AMHR2: variants seen among roughly 807,000 people sequenced by gnomAD.
AMHR2 encodes the protein anti-Muellerian hormone type-2 receptor.
In AMHR2, 36 loss-of-function variants were observed where a neutral mutation model predicts 61.4. That is an observed-to-expected ratio of 0.59 (90% CI 0.45 to 0.77). AMHR2 has a LOEUF of 0.77. Among genes scored for constraint, AMHR2 ranks in the 30% least tolerant of loss-of-function variants. The pLI is 0.00. For synonymous variants in AMHR2, 258 were observed against 279.4 expected (o/e 0.92, Z 0.76); for missense variants, 638 against 714.6 (o/e 0.89, Z 1.22).
chr12:53,431,096 A>G lies in AMHR2; in HGVS notation c.1426-81A>G, dbSNP rs553555863. Reference sequence around the variant, plus strand: ...AGTGGATGTTGAAAGCAGGAGAGTGATGGACACTGAAGATGGCTTTTAACC... The same window carrying G: ...AGTGGATGTTGAAAGCAGGAGAGTGGTGGACACTGAAGATGGCTTTTAACC... On this transcript the variant is annotated intron_variant, in intron 10 of 10. Transcript: ENST00000257863. The G allele has an allele frequency of 4.3e-5, 65 of 1,513,696 alleles. No individual in the cohort carries two copies. The South Asian group carries it at 5.0e-4, about 12-fold the overall frequency. The allele number at this position is 1,513,696 out of a possible 1,614,324, so 93.8% of individuals were successfully genotyped here.
Position 53,424,857 on chromosome 12 carries a change from G to A in AMHR2, c.381G>A (p.Gly127=). Residue 127 remains glycine (G), a synonymous_variant, in exon 3 of 11, where the codon GGG becomes GGA. Coordinates refer to ENST00000257863, the MANE Select transcript of AMHR2 (RefSeq NM_020547.3). ...ATTACAGCCATCTGCCTCCTCCAGG[G>A]AGCCCTGGGACTCCTGGCTCCCAGG... The part of the protein sequence containing the change: ...NANYSHLPPP[G]SPGTPGSQGP... The A allele has an allele frequency of 4.3e-6, 7 of 1,613,592 alleles. No homozygotes were observed. The highest frequency in any genetic ancestry group is 5.9e-6 in the Non-Finnish European group (7 of 1,180,000).
rs1940106155 is a variant in AMHR2 at position 53,431,645 on chromosome 12, A to G, written c.*172A>G. Reference sequence around the variant, plus strand: ...GACTTGGGGTAGGTGTGCACAGGAAAGAGAATAAAGTCAGCTTTCCTGATG... The same window carrying G: ...GACTTGGGGTAGGTGTGCACAGGAAGGAGAATAAAGTCAGCTTTCCTGATG... On this transcript the variant is annotated 3_prime_UTR_variant, in exon 11 of 11. Transcript: ENST00000257863. 1.1e-5 allele frequency: 9 copies of G among 791,090 alleles called. No individual in the cohort carries two copies. Among genetic ancestry groups the G allele is most frequent in the South Asian group, 3.1e-5 (2 of 63,976 alleles). The allele number at this position is 791,090 out of a possible 1,614,324, so 49.0% of individuals were successfully genotyped here. A position where few individuals can be genotyped will look rare whatever the true frequency, so the allele number is the denominator to read the frequency against.
rs745713994 is a variant in AMHR2, at chr12:53,429,825, C to T, written c.1141-6C>T. On this transcript the variant is annotated splice_region_variant and splice_polypyrimidine_tract_variant and intron_variant, in intron 8 of 10. Transcript: ENST00000257863. The stretch of plus-strand genomic sequence containing the variant: ...GATTCTTGGCCCTTCGTGCCTTGCT[C>T]TCCAGGCTGGCACCCAGAGGTACAT... 6 of 1,614,188 alleles carry T rather than the reference C, an allele frequency of 3.7e-6. No individual in the cohort carries two copies. The highest frequency in any genetic ancestry group is 5.1e-6 in the Non-Finnish European group (6 of 1,180,034).
Position 53,424,842 on chromosome 12 carries a change from T to C in AMHR2, c.366T>C (p.His122=). 3 of 1,613,902 alleles carry C rather than the reference T, an allele frequency of 1.9e-6. No homozygotes were observed. Among genetic ancestry groups the C allele is most frequent in the Non-Finnish European group, 2.5e-6 (3 of 1,179,980 alleles). The change falls in exon 3 of 11, where the codon CAT becomes CAC. Residue 122 remains histidine, a synonymous_variant. Transcript: ENST00000257863. ...GTDFCNANYS[H]LPPPGSPGTP... ...ACTTCTGCAATGCCAATTACAGCCA[T>C]CTGCCTCCTCCAGGGAGCCCTGGGA...
chr12:53,425,416 G>A (rs2136946908), intron 4 of AMHR2, 39 bp from the exon 5 acceptor site: 1 of 1,610,074 alleles, frequency 6.2e-7, no homozygotes, highest in East Asian at 2.2e-5. Context: ...CTGTCCCTAT[G>A]CATTTGCACC....
In AMHR2 at chr12:53,429,998, T is replaced by A. The variant is rs1192512969; in HGVS notation, c.1288+20T>A. 5 of 1,614,094 alleles carry A rather than the reference T, an allele frequency of 3.1e-6. No homozygotes were observed. The highest frequency in any genetic ancestry group is 4.2e-6 in the Non-Finnish European group (5 of 1,180,008). Reference sequence around the variant, plus strand: ...GGCCTGGTAAGGATGGGTGGTACAGTCCCCTCTCCTGGGCTCCCCCCCGCC... The same window carrying A: ...GGCCTGGTAAGGATGGGTGGTACAGACCCCTCTCCTGGGCTCCCCCCCGCC... On this transcript the variant is annotated intron_variant, in intron 9 of 10. Coordinates refer to ENST00000257863, the MANE Select transcript of AMHR2 (RefSeq NM_020547.3).
At position 53,431,642 on chromosome 12, in the gene AMHR2, G is replaced by A. The variant is rs1940105976; in HGVS notation, c.*169G>A. ...AGTGACTTGGGGTAGGTGTGCACAG[G>A]AAAGAGAATAAAGTCAGCTTTCCTG... On this transcript the variant is annotated 3_prime_UTR_variant, in exon 11 of 11. Transcript: ENST00000257863. The A allele has an allele frequency of 1.2e-6, 1 of 821,288 alleles. No homozygotes were observed. The highest frequency in any genetic ancestry group is 2.0e-6 in the Non-Finnish European group (1 of 504,032). The allele number at this position is 821,288 out of a possible 1,614,324, so 50.9% of individuals were successfully genotyped here.
At chr12:53,431,091 G>T (rs1940060747) in intron 10 of AMHR2, 86 bp from the exon 11 acceptor site, 2 of 1,484,000 alleles carry the variant, frequency 1.3e-6, no homozygotes, top group East Asian at 4.5e-5. Context: ...GAAAGCAGGA[G>T]AGTGATGGAC....
rs769446870 is a variant in AMHR2 at position 53,429,855 on chromosome 12, C to T, written c.1165C>T (p.Pro389Ser). 3 of 1,614,180 alleles carry T rather than the reference C, an allele frequency of 1.9e-6. No individual in the cohort carries two copies. The highest frequency in any genetic ancestry group is 3.3e-5 in the Admixed American group (2 of 60,024). The change falls in exon 9 of 11, where the codon CCA becomes TCA. Residue 389 changes from proline (P) to serine (S), a missense_variant. Transcript: ENST00000257863. Reference sequence around the variant, plus strand: ...GGCTGGCACCCAGAGGTACATGGCACCAGAGCTCTTGGACAAGACTCTGGA... The same window carrying T: ...GGCTGGCACCCAGAGGTACATGGCATCAGAGCTCTTGGACAAGACTCTGGA... ...MEAGTQRYMAPELLDKTLDLQ... is the reference protein window; with the variant it reads ...MEAGTQRYMASELLDKTLDLQ...
intron 6 of AMHR2, among the ~76,000 whole-genome samples, chr12:53,427,044 C>T (rs140989290): frequency 2.6e-5 from 4 of 151,656 alleles, no homozygotes; most frequent in African/African-American, 4.8e-5. Context: ...CAAACTCATT[C>T]GTATTCATTC....
chr12:53,430,359 A>C lies in AMHR2; in HGVS notation c.1425+77A>C, dbSNP rs11170555. Reference sequence around the variant, plus strand: ...TGGGCTTCAAGGACGTCTCTGCCAGAGTGTCTGTCTACTCCTATCTCCACT... The same window carrying C: ...TGGGCTTCAAGGACGTCTCTGCCAGCGTGTCTGTCTACTCCTATCTCCACT... On this transcript the variant is annotated intron_variant, in intron 10 of 10. Coordinates refer to ENST00000257863, the MANE Select transcript of AMHR2 (RefSeq NM_020547.3). 2.5e-6 allele frequency: 4 copies of C among 1,608,072 alleles called. No individual in the cohort carries two copies. The African/African-American group carries it at 5.4e-5, about 22-fold the overall frequency.
Position 53,425,686 on chromosome 12 carries a change from C to A in AMHR2, c.622-3C>A, listed in dbSNP as rs1401716002. 3 of 1,614,088 alleles carry A rather than the reference C, an allele frequency of 1.9e-6. No individual in the cohort carries two copies. In the East Asian group the frequency reaches 6.7e-5, roughly 36 times the overall value. ...CCCACACTCAGCACAGTGTCCCCAG[C>A]AGGTAATCCGGGAAGGAGGTCATGC... On this transcript the variant is annotated splice_region_variant and splice_polypyrimidine_tract_variant and intron_variant, in intron 5 of 10. Transcript: ENST00000257863.
intron 3 of AMHR2, 107 bp downstream of exon 3, chr12:53,425,007 C>T (rs986153009): frequency 2.3e-5 from 36 of 1,559,288 alleles, no homozygotes; most frequent in Non-Finnish European, 3.0e-5. Context: ...CGCTTTCCTC[C>T]TCCTGGCCTT....
chr12:53,426,022 T>C, intron 6 of AMHR2, 103 bp downstream of exon 6: 1 of 1,183,694 alleles, frequency 8.4e-7, no homozygotes. Context: ...CTGCTTTCGA[T>C]TTTCTCTTTT....
In AMHR2 at chr12:53,424,741, TC is replaced by T; in HGVS notation, c.268del (p.Leu90SerfsTer119). 3 of 1,613,362 alleles carry T rather than the reference TC, an allele frequency of 1.9e-6. No individual in the cohort carries two copies. Among genetic ancestry groups the T allele is most frequent in the Non-Finnish European group, 2.5e-6 (3 of 1,179,754 alleles). ...CRDSDEPGCE[S>X]LHCDPSPRAH... is the part of the protein sequence containing the mutation. ...AGACAGTGATGAGCCAGGCTGTGAG[TC>T]CCTCCACTGTGACCCAAGTCCCCGA... On this transcript the variant is annotated frameshift_variant, in exon 3 of 11. Transcript: ENST00000257863. LOFTEE classifies it high-confidence loss of function.
intron 6 of AMHR2, among the ~76,000 whole-genome samples, chr12:53,427,698 C>T (rs540453500): frequency 1.3e-5 from 2 of 152,192 alleles, no homozygotes; most frequent in African/African-American, 4.8e-5. Flanking sequence ...CCACCCCGCC[C>T]GGCCATGCTA....
In AMHR2 at chr12:53,429,561, C is replaced by A; in HGVS notation, c.1076C>A (p.Pro359His). 6.2e-7 allele frequency: 1 copy of A among 1,614,054 alleles called. No individual in the cohort carries two copies. The highest frequency in any genetic ancestry group is 8.5e-7 in the Non-Finnish European group (1 of 1,180,010). ...IGDLGLALVLPGLTQPPAWTP... is the reference protein window; with the variant it reads ...IGDLGLALVLHGLTQPPAWTP... ...GACCTGGGCCTTGCCTTGGTGCTCC[C>A]TGGCCTCACTCAGCCCCCTGCCTGG... Residue 359 changes from proline to histidine, a missense_variant, in exon 8 of 11, where the codon CCT becomes CAT. Physicochemically the swap from Pro to His is moderately conservative, Grantham distance 77. Transcript: ENST00000257863.
intron 4 of AMHR2, 58 bp downstream of exon 4, chr12:53,425,300 AC>A: frequency 6.2e-7 from 1 of 1,608,888 alleles, no homozygotes; most frequent in Non-Finnish European, 8.5e-7. Flanking sequence ...AAAAGCTCTG[AC>A]CCCTCTCCAG....
In AMHR2 at chr12:53,425,885, C is replaced by T; in HGVS notation, c.818C>T (p.Ser273Phe). ...ASRGGPGRLL[S>F]GPLLVLELHP... ...CGGGGGGGTCCTGGCCGCCTGCTCT[C>T]TGGGCCCCTGCTGGTACTGGAACTG... The change falls in exon 6 of 11, where the codon TCT (serine) becomes TTT (phenylalanine). Residue 273 changes from serine (S) to phenylalanine (F), a missense_variant. Transcript: ENST00000257863. 6.2e-7 allele frequency: 1 copy of T among 1,614,072 alleles called. No homozygotes were observed. Among genetic ancestry groups the T allele is most frequent in the Non-Finnish European group, 8.5e-7 (1 of 1,180,012 alleles).
Sources: allele counts gnomAD v4.1 joint callset (sites outside exome capture counted in the v4.1 genomes callset), GRCh38; gene constraint gnomAD v4.1.1; transcripts MANE v1.5; gene names NCBI Gene and HGNC (gene_info 2026-07-23, HGNC 2026-07-21).